GLS: variants seen among roughly 807,000 people sequenced by gnomAD.
The protein encoded by GLS is glutaminase kidney isoform, mitochondrial.
Under a neutral mutation model 86.7 loss-of-function variants are expected in GLS, and 36 were observed. The ratio of observed to expected loss-of-function variants is 0.42; its 90% CI spans 0.32 to 0.55. The LOEUF is 0.55. Among genes scored for constraint, GLS ranks in the 20% least tolerant of loss-of-function variants. The pLI is 0.17. For missense variants in GLS, 528 were observed against 833.4 expected (o/e 0.63, Z 4.51); for synonymous variants, 317 against 305.9 (o/e 1.04, Z -0.38).
At chr2:190,916,889 A>G (rs746478523) in intron 7 of GLS, among the ~76,000 whole-genome samples, 13 of 152,204 alleles carry the variant, frequency 8.5e-5, no homozygotes, top group South Asian at 2.1e-4. Flanking sequence ...AAAATATTTT[A>G]TAGGTAAGAA....
intron 1 of GLS, among the ~76,000 whole-genome samples, chr2:190,889,614 A>G (rs760550899): frequency 4.6e-5 from 7 of 152,176 alleles, no homozygotes; most frequent in African/African-American, 7.2e-5. Flanking sequence ...TACTTGGCTG[A>G]AGAAATGAGT....
At chr2:190,936,864 A>G (rs1177825385) in intron 14 of GLS, among the ~76,000 whole-genome samples, 1 of 151,332 alleles carries the variant, frequency 6.6e-6, no homozygotes, top group Non-Finnish European at 1.5e-5. Flanking sequence ...TCATCTGTAA[A>G]AAGTTTGGTT....
At chr2:190,888,272 C>G (rs1362260301) in intron 1 of GLS, among the ~76,000 whole-genome samples, 1 of 152,142 alleles carries the variant, frequency 6.6e-6, no homozygotes, top group Non-Finnish European at 1.5e-5. Context: ...ATTTGCACAG[C>G]TCCTGTTTAT....
chr2:190,933,433 T>C (rs1690171636), intron 14 of GLS: 1 of 874,806 alleles, frequency 1.1e-6, no homozygotes, highest in South Asian at 5.3e-5. Context: ...GGCTTTACAT[T>C]TTAAAAAATT....
At chr2:190,891,735 A>G (rs902427288) in intron 1 of GLS, among the ~76,000 whole-genome samples, 1 of 152,054 alleles carries the variant, frequency 6.6e-6, no homozygotes, top group Non-Finnish European at 1.5e-5. Flanking sequence ...TAGTCTCCTC[A>G]TTTACCTCAG....
intron 6 of GLS, among the ~76,000 whole-genome samples, chr2:190,907,202 G>A (rs1689177445): frequency 6.6e-6 from 1 of 150,728 alleles, no homozygotes; most frequent in Admixed American, 6.6e-5. Context: ...GGGATTACAG[G>A]CTTGAGCCAC....
rs1055695196 is a variant in GLS, at chr2:190,930,336, G to C, written c.1426-101G>C. On this transcript the variant is annotated intron_variant, in intron 12 of 17. Coordinates refer to ENST00000320717, the MANE Select transcript of GLS (RefSeq NM_014905.5). This position sits in a 1 kb window ranked among gnomAD's most constrained non-coding sequence, Gnocchi z 5.0. ...GCCTCCCAAAGTGCTGAGATTACAG[G>C]AGTGAGCCATGGTGCCCAGCCCCAG... 3 of 851,920 alleles carry C rather than the reference G, an allele frequency of 3.5e-6. No homozygotes were observed. The highest frequency in any genetic ancestry group is 2.0e-5 in the Admixed American group (1 of 49,418). The allele number at this position is 851,920 out of a possible 1,614,324, so 52.8% of individuals were successfully genotyped here.
At chr2:190,925,209 C>A (rs1305026804) in intron 11 of GLS, among the ~76,000 whole-genome samples, 1 of 152,070 alleles carries the variant, frequency 6.6e-6, no homozygotes, top group Non-Finnish European at 1.5e-5. Context: ...TTGGGAAAAG[C>A]TTTATTTTTT....
intron 1 of GLS, among the ~76,000 whole-genome samples, chr2:190,888,143 G>T (rs1688448939): frequency 6.6e-6 from 1 of 152,098 alleles, no homozygotes; most frequent in African/African-American, 2.4e-5. Flanking sequence ...AACCACATCT[G>T]TTAAGTTTTG....
In GLS at chr2:190,924,511, T is replaced by G; in HGVS notation, c.1198-32T>G. 5 of 1,354,768 alleles carry G rather than the reference T, an allele frequency of 3.7e-6. No individual in the cohort carries two copies. The highest frequency in any genetic ancestry group is 4.2e-6 in the Non-Finnish European group (4 of 943,694). 83.9% of individuals were successfully genotyped at this position (1,354,768 alleles called of 1,614,324 possible). On this transcript the variant is annotated intron_variant, in intron 10 of 17. Transcript: ENST00000320717. The surrounding 1 kb of genome is among the most constrained non-coding windows in gnomAD (Gnocchi z 5.2). Reference sequence around the variant, plus strand: ...CTACTTATGTGCATTCCTGTGTGCCTGAATTTTTAATTGCCTTTCTGGTTT... The same window carrying G: ...CTACTTATGTGCATTCCTGTGTGCCGGAATTTTTAATTGCCTTTCTGGTTT...
At position 190,962,498 on chromosome 2, in the gene GLS, T is replaced by C; in HGVS notation, c.1854-332T>C. Among the ~76,000 whole-genome samples the C allele has an allele frequency of 6.6e-6, 1 of 152,184 alleles. No individual in the cohort carries two copies. Among genetic ancestry groups the C allele is most frequent in the South Asian group, 2.1e-4 (1 of 4,830 alleles). ...TAAAAGAGATACTTTGGGCTTTTCA[T>C]GAAACTAAAATTCTGGAACCCTAGA... On this transcript the variant is annotated intron_variant, in intron 17 of 17. Transcript: ENST00000320717. This position sits in a 1 kb window ranked among gnomAD's most constrained non-coding sequence, Gnocchi z 4.2.
chr2:190,952,769 A>C (rs1337618196), intron 14 of GLS, among the ~76,000 whole-genome samples: 2 of 152,218 alleles, frequency 1.3e-5, no homozygotes, highest in Non-Finnish European at 2.9e-5. Flanking sequence ...GTATTTACAA[A>C]TATTCTATGG....
intron 4 of GLS, among the ~76,000 whole-genome samples, chr2:190,901,727 G>C (rs1337981199): frequency 6.6e-6 from 1 of 151,420 alleles, no homozygotes. Flanking sequence ...AGAAATAATA[G>C]AGACTGAGAA....
At chr2:190,958,669 G>A (rs1167812644) in intron 17 of GLS, among the ~76,000 whole-genome samples, 1 of 152,036 alleles carries the variant, frequency 6.6e-6, no homozygotes, top group African/African-American at 2.4e-5. Context: ...CTTTAATTTT[G>A]TTATTTACCC....
At chr2:190,904,767 A>G (rs1475069987) in intron 5 of GLS, among the ~76,000 whole-genome samples, 1 of 152,154 alleles carries the variant, frequency 6.6e-6, no homozygotes, top group Non-Finnish European at 1.5e-5. Context: ...ATCATTGTAT[A>G]TAAGGGACTT....
intron 17 of GLS, among the ~76,000 whole-genome samples, chr2:190,960,719 C>T (rs1204589305): frequency 1.3e-5 from 2 of 152,024 alleles, no homozygotes; most frequent in Admixed American, 1.3e-4. Context: ...GTTGGTTCAG[C>T]TGTTAGCTTG....
chr2:190,940,587 A>G (rs1399389308), intron 14 of GLS, among the ~76,000 whole-genome samples: 1 of 152,038 alleles, frequency 6.6e-6, no homozygotes, highest in African/African-American at 2.4e-5. Context: ...TGCTTTTGTA[A>G]TAAGTGTAAA....
chr2:190,885,562 A>G (rs1483558991), intron 1 of GLS, among the ~76,000 whole-genome samples: 3 of 152,230 alleles, frequency 2.0e-5, no homozygotes, highest in Non-Finnish European at 4.4e-5. Context: ...AGATTGAACA[A>G]TACTAGTAAG....
intron 6 of GLS, 115 bp from the exon 7 acceptor site, chr2:190,910,147 GA>G: frequency 9.5e-6 from 6 of 629,730 alleles, no homozygotes; most frequent in Non-Finnish European, 1.7e-5. Context: ...AAAGCACTAA[GA>G]AAAAAGCAAA....
Sources: gnomAD v4.1 joint callset for allele counts (sites outside exome capture counted in the v4.1 genomes callset) on GRCh38, gnomAD v4.1.1 for gene constraint, Gnocchi (gnomAD v3.1) non-coding constraint, MANE v1.5 for transcripts, NCBI Gene and HGNC (gene_info 2026-07-23, HGNC 2026-07-21) for gene names.